EML1: variants seen among roughly 807,000 people sequenced by gnomAD.
The protein encoded by EML1 is EMAP like 1, also known as echinoderm microtubule-associated protein-like 1.
EML1 carries 27 observed loss-of-function variants against 110.4 expected under a neutral mutation model. The observed-to-expected ratio is 0.24, with a 90% CI of 0.18 to 0.34. EML1 has a LOEUF of 0.34. EML1 is among the 10% of genes least tolerant of loss of function. The pLI is 1.00. For synonymous variants in EML1, 344 were observed against 385.8 expected (o/e 0.89, Z 1.27); for missense variants, 741 against 1,030.9 (o/e 0.72, Z 3.85).
intron 4 of EML1, among the ~76,000 whole-genome samples, chr14:99,888,567 T>C (rs1214871269): frequency 6.6e-6 from 1 of 152,212 alleles, no homozygotes; most frequent in African/African-American, 2.4e-5. Flanking sequence ...AATTTAATCA[T>C]ATATGTGAAA....
At chr14:99,785,761 G>A (rs774706180) in intron 1 of EML1, among the ~76,000 whole-genome samples, 3 of 152,180 alleles carry the variant, frequency 2.0e-5, no homozygotes, top group East Asian at 1.9e-4. Flanking sequence ...ACAAAGCAAC[G>A]GAGAGGCTCC....
At chr14:99,926,884 C>T (rs1031840751) in intron 17 of EML1, among the ~76,000 whole-genome samples, 2 of 152,170 alleles carry the variant, frequency 1.3e-5, no homozygotes, top group African/African-American at 4.8e-5. Flanking sequence ...GCTGGGACTA[C>T]AGGCATGCAC....
chr14:99,790,564 C>G (rs2057652787), upstream of EML1, among the ~76,000 whole-genome samples: 1 of 152,168 alleles, frequency 6.6e-6, no homozygotes, highest in South Asian at 2.1e-4. Context: ...TCAGAAATAC[C>G]ACACCTCAGC....
At chr14:99,868,952 C>T (rs921844944) in intron 3 of EML1, among the ~76,000 whole-genome samples, 5 of 152,156 alleles carry the variant, frequency 3.3e-5, no homozygotes, top group African/African-American at 9.7e-5. Flanking sequence ...CTATAGACTT[C>T]CCTCTTAGTA....
chr14:99,879,707 A>G (rs368895659), intron 4 of EML1, among the ~76,000 whole-genome samples: 4 of 152,248 alleles, frequency 2.6e-5, no homozygotes, highest in African/African-American at 9.6e-5. Flanking sequence ...CATTTAGACT[A>G]TTAGTACTTC....
rs2059829410 is a variant in EML1, at chr14:99,905,442, T to C, written c.1009-2196T>C. Among the ~76,000 whole-genome samples, 2 of 152,272 alleles carry C rather than the reference T, an allele frequency of 1.3e-5. No individual in the cohort carries two copies. Among genetic ancestry groups the C allele is most frequent in the South Asian group, 4.1e-4 (2 of 4,824 alleles). On this transcript the variant is annotated intron_variant, in intron 9 of 21. Coordinates refer to ENST00000262233, the MANE Select transcript of EML1 (RefSeq NM_004434.3). This position sits in a 1 kb window ranked among gnomAD's most constrained non-coding sequence, Gnocchi z 4.1. The stretch of plus-strand genomic sequence containing the variant: ...AAAGGAGAGAGAGAAAAGCATTCCC[T>C]GTGGCAGGGCGGGGAAGGTGAAGAG...
intron 17 of EML1, among the ~76,000 whole-genome samples, chr14:99,930,051 C>T (rs1354022021): frequency 6.6e-6 from 1 of 152,134 alleles, no homozygotes; most frequent in Non-Finnish European, 1.5e-5. Context: ...AGATAAATGC[C>T]ACCTTCACAC....
Position 99,850,429 on chromosome 14 carries a change from G to T in EML1, c.68-424G>T, listed in dbSNP as rs2058776821. The T allele has an allele frequency of 2.9e-6, 3 of 1,051,074 alleles. No individual in the cohort carries two copies. The Admixed American group carries it at 7.1e-5, about 25-fold the overall frequency. 65.1% of individuals were successfully genotyped at this position (1,051,074 alleles called of 1,614,324 possible). The stretch of plus-strand genomic sequence containing the variant: ...TGACCGATGGATAGGGTGGCCTTGT[G>T]ATTGTATGACCTACCTGTCAGTTAA... On this transcript the variant is annotated intron_variant, in intron 1 of 21. Transcript: ENST00000262233.
At chr14:99,931,694 A>G (rs189475039) in intron 17 of EML1, among the ~76,000 whole-genome samples, 84 of 152,344 alleles carry the variant, frequency 5.5e-4, no homozygotes, top group Middle Eastern at 3.4e-3. Flanking sequence ...GTGGGACCCA[A>G]GAAACAGGCT....
intron 1 of EML1, chr14:99,850,346 A>T: frequency 7.8e-7 from 1 of 1,289,024 alleles, no homozygotes; most frequent in Non-Finnish European, 1.0e-6. Flanking sequence ...AGAAAATATG[A>T]TTACCATAAT....
intron 1 of EML1, among the ~76,000 whole-genome samples, chr14:99,749,030 A>C (rs768595446): frequency 2.0e-5 from 3 of 152,144 alleles, no homozygotes; most frequent in African/African-American, 2.4e-5. Context: ...CAGCATATGG[A>C]TATACCATGT....
chr14:99,894,380 C>T, intron 5 of EML1: 1 of 264,916 alleles, frequency 3.8e-6, no homozygotes, highest in Non-Finnish European at 6.9e-6. Context: ...AATCAAGTTC[C>T]TTCCTGCCTT....
intron 1 of EML1, among the ~76,000 whole-genome samples, chr14:99,819,683 C>G (rs1029848974): frequency 2.6e-5 from 4 of 152,158 alleles, no homozygotes; most frequent in African/African-American, 7.2e-5. Context: ...TGTCAGGAAG[C>G]TCTGTCTGGA....
Position 99,918,871 on chromosome 14 carries a change from C to T in EML1, c.1820+1022C>T, listed in dbSNP as rs537963116. ...TTTTCTAGCTGCCCTTTCAAAATTT[C>T]AGGAACTGCCCAGACCCTGAGCCTC... On this transcript the variant is annotated intron_variant, in intron 16 of 21. Coordinates refer to ENST00000262233, the MANE Select transcript of EML1 (RefSeq NM_004434.3). Among the ~76,000 whole-genome samples, 4 of 152,292 alleles carry T rather than the reference C, an allele frequency of 2.6e-5. No individual in the cohort carries two copies. The South Asian group carries it at 8.3e-4, about 32-fold the overall frequency.
At chr14:99,929,970 G>A (rs1416062902) in intron 17 of EML1, among the ~76,000 whole-genome samples, 5 of 152,166 alleles carry the variant, frequency 3.3e-5, no homozygotes, top group African/African-American at 9.7e-5. Flanking sequence ...TATAGGTGGA[G>A]CTGGCCCTCC....
upstream of EML1, among the ~76,000 whole-genome samples, chr14:99,788,816 T>C (rs763355474): frequency 3.3e-5 from 5 of 152,176 alleles, no homozygotes; most frequent in Non-Finnish European, 7.3e-5. Flanking sequence ...ACTCACTTAC[T>C]ATTCCTTCCT....
At chr14:99,798,704 A>G (rs1042211431) in intron 1 of EML1, among the ~76,000 whole-genome samples, 1 of 152,144 alleles carries the variant, frequency 6.6e-6, no homozygotes, top group African/African-American at 2.4e-5. Flanking sequence ...TACTTCTAAT[A>G]ATGCAGCCTA....
At chr14:99,810,921 C>T (rs2058064759) in intron 1 of EML1, among the ~76,000 whole-genome samples, 1 of 152,126 alleles carries the variant, frequency 6.6e-6, no homozygotes, top group East Asian at 1.9e-4. Flanking sequence ...TGTATCAAAG[C>T]ATTGCATTGT....
intron 4 of EML1, among the ~76,000 whole-genome samples, chr14:99,890,788 C>T (rs1238582351): frequency 6.6e-6 from 1 of 152,148 alleles, no homozygotes; most frequent in Non-Finnish European, 1.5e-5. Context: ...CTCTAAAAGG[C>T]CTCACCAAAA....
Sources: gnomAD v4.1 joint callset for allele counts (sites outside exome capture counted in the v4.1 genomes callset) on GRCh38, gnomAD v4.1.1 for gene constraint, Gnocchi (gnomAD v3.1) non-coding constraint, MANE v1.5 for transcripts, NCBI Gene and HGNC (gene_info 2026-07-23, HGNC 2026-07-21) for gene names.